FBXO42: variants seen among roughly 807,000 people sequenced by gnomAD.
The protein encoded by FBXO42 is F-box only protein 42.
Under a neutral mutation model 71.7 loss-of-function variants are expected in FBXO42, and 12 were observed. That is an observed-to-expected ratio of 0.17 (90% CI 0.11 to 0.27). FBXO42 has a LOEUF of 0.27. FBXO42 is among the 10% of genes least tolerant of loss of function. The probability of loss-of-function intolerance (pLI) is 1.00; values close to 1 mark genes in which losing one functional copy is unlikely to be tolerated. For missense variants in FBXO42, 707 were observed against 911.9 expected, an observed-to-expected ratio of 0.78 and a Z score of 2.89; for synonymous variants, 325 against 327.5, an observed-to-expected ratio of 0.99 and a Z score of 0.08.
At chr1:16,313,354 AAGAAAGAAAGAAAGAAAGAG>A (rs2082334392) in intron 2 of FBXO42, among the ~76,000 whole-genome samples, 1 of 151,702 alleles carries the variant, frequency 6.6e-6, no homozygotes, top group African/African-American at 2.4e-5. Flanking sequence ...GAAAGAAAGA[AAGAAAGAAAGAAAGAAAGAG>A]AAAAGAAAGA....
chr1:16,286,916 C>T (rs2082027592), intron 4 of FBXO42, among the ~76,000 whole-genome samples: 2 of 152,190 alleles, frequency 1.3e-5, no homozygotes, highest in South Asian at 4.1e-4. Flanking sequence ...ATCAAATCCA[C>T]CCAGTTCTTA....
At chr1:16,319,725 A>T (rs2100586033) in intron 1 of FBXO42, among the ~76,000 whole-genome samples, 1 of 152,122 alleles carries the variant, frequency 6.6e-6, no homozygotes, top group South Asian at 2.1e-4. Context: ...AGCCTGGCCA[A>T]TATGGTGAAA....
chr1:16,331,369 C>T lies in FBXO42; in HGVS notation c.-17-15934G>A, dbSNP rs1045110599. 2.6e-5 allele frequency among the ~76,000 whole-genome samples: 4 copies of T among 151,598 alleles called. No homozygotes were observed. In the East Asian group the frequency reaches 7.7e-4, roughly 29 times the overall value. ...GGCAGAGCTTGCAGTGAGCCGAGAT[C>T]GTGCCACTGCACTCCAGCCTGGGCG... On this transcript the variant is annotated intron_variant, in intron 1 of 9. Coordinates refer to ENST00000375592, the MANE Select transcript of FBXO42 (RefSeq NM_018994.3).
At chr1:16,309,838 G>A (rs899168494) in intron 2 of FBXO42, among the ~76,000 whole-genome samples, 3 of 151,888 alleles carry the variant, frequency 2.0e-5, no homozygotes, top group African/African-American at 7.3e-5. Flanking sequence ...GAAGTCAGGA[G>A]TTTGAGACCA....
At chr1:16,326,248 G>A (rs2082450399) in intron 1 of FBXO42, among the ~76,000 whole-genome samples, 1 of 151,094 alleles carries the variant, frequency 6.6e-6, no homozygotes, top group Non-Finnish European at 1.5e-5. Flanking sequence ...CAAAGACGGG[G>A]TTTCTCCATG....
chr1:16,318,213 G>A (rs916256170), intron 1 of FBXO42, among the ~76,000 whole-genome samples: 1 of 152,150 alleles, frequency 6.6e-6, no homozygotes, highest in African/African-American at 2.4e-5. Flanking sequence ...GAGGTCAAGA[G>A]TTCGAGACCA....
chr1:16,335,642 G>A (rs1036366758), intron 1 of FBXO42, among the ~76,000 whole-genome samples: 2 of 152,072 alleles, frequency 1.3e-5, no homozygotes, highest in Admixed American at 1.3e-4. Context: ...GAGGCGGGTG[G>A]ATCACCAGAG....
intron 3 of FBXO42, among the ~76,000 whole-genome samples, chr1:16,299,779 G>C (rs190226681): frequency 6.6e-6 from 1 of 152,140 alleles, no homozygotes; most frequent in East Asian, 1.9e-4. Context: ...CGAGTAGTTT[G>C]GACCACAGGC....
chr1:16,346,359 G>T (rs180973149), intron 1 of FBXO42, among the ~76,000 whole-genome samples: 3 of 152,222 alleles, frequency 2.0e-5, no homozygotes, highest in Admixed American at 1.3e-4. Context: ...TGCCTTTATA[G>T]AAATTAAATG....
At chr1:16,335,704 AAAAAT>A (rs1007549640) in intron 1 of FBXO42, among the ~76,000 whole-genome samples, 3 of 151,620 alleles carry the variant, frequency 2.0e-5, no homozygotes, top group African/African-American at 7.3e-5. Context: ...CATCTCTACT[AAAAAT>A]ACAAAACATT....
chr1:16,350,757 A>AGAAAGAAAAGAAAG (rs1553156684), intron 1 of FBXO42, among the ~76,000 whole-genome samples: 1 of 44,248 alleles, frequency 2.3e-5, no homozygotes, highest in Non-Finnish European at 4.1e-5. Flanking sequence ...AAAAAAAAAA[A>AGAAAGAAAAGAAAG]AAAGAAAGAA....
At position 16,311,503 on chromosome 1, in the gene FBXO42, A is replaced by AATATAT. The variant is rs1553153697; in HGVS notation, c.250+3660_250+3665dup. ...ATCTTGTCTCAAAAAAAAAAAAAAAAATATATATATATATATATATATATA... is the reference window on the plus strand; with the variant it reads ...ATCTTGTCTCAAAAAAAAAAAAAAAAATATATATATATATATATATATATATATATA... On this transcript the variant is annotated intron_variant, in intron 2 of 9. Transcript: ENST00000375592. Among the ~76,000 whole-genome samples, 358 of 65,498 alleles carry AATATAT rather than the reference A, an allele frequency of 5.5e-3. 2 individuals carry two copies. The highest frequency in any genetic ancestry group is 9.1e-3 in the Middle Eastern group (1 of 110). 43.0% of individuals were successfully genotyped at this position (65,498 alleles called of 152,430 possible). A position where few individuals can be genotyped will look rare whatever the true frequency, so the allele number is the denominator to read the frequency against.
intron 4 of FBXO42, among the ~76,000 whole-genome samples, chr1:16,272,149 C>T (rs563179896): frequency 1.2e-3 from 153 of 123,326 alleles, no homozygotes; most frequent in Middle Eastern, 4.5e-3. Flanking sequence ...AGCAAGACTC[C>T]GTCCCAAAAA....
chr1:16,253,803 C>T, intron 6 of FBXO42, 72 bp from the exon 7 acceptor site: 1 of 1,386,462 alleles, frequency 7.2e-7, no homozygotes. Context: ...TGGGGAGTTC[C>T]ACATGCCTGT....
Position 16,252,063 on chromosome 1 carries a change from C to T in FBXO42, c.1038+225G>A, listed in dbSNP as rs942097032. On this transcript the variant is annotated intron_variant, in intron 9 of 9. Transcript: ENST00000375592. This position sits in a 1 kb window ranked among gnomAD's most constrained non-coding sequence, Gnocchi z 4.4. The stretch of plus-strand genomic sequence containing the variant: ...GTTAGAAGGAGAAGGGAAAGTTTCA[C>T]AGACAAACAGATGCTTAAAGTTGGG... Among the ~76,000 whole-genome samples, 5 of 152,190 alleles carry T rather than the reference C, an allele frequency of 3.3e-5. No individual in the cohort carries two copies. The highest frequency in any genetic ancestry group is 1.2e-4 in the African/African-American group (5 of 41,434).
At chr1:16,311,500 A>AT (rs1557597015) in intron 2 of FBXO42, among the ~76,000 whole-genome samples, 694 of 67,306 alleles carry the variant, frequency 0.01, 2 homozygotes, top group South Asian at 0.034. Flanking sequence ...AAAAAAAAAA[A>AT]AAAATATATA....
intron 1 of FBXO42, among the ~76,000 whole-genome samples, chr1:16,326,562 T>C (rs2082454417): frequency 6.6e-6 from 1 of 151,048 alleles, no homozygotes; most frequent in Non-Finnish European, 1.5e-5. Context: ...TGCACACTTG[T>C]AGTCTCAGCT....
chr1:16,306,900 G>T, intron 2 of FBXO42, among the ~76,000 whole-genome samples: 1 of 151,686 alleles, frequency 6.6e-6, no homozygotes, highest in East Asian at 1.9e-4. Flanking sequence ...AGGAAAGTTT[G>T]TTTTCTTTTT....
At chr1:16,337,896 A>AAAAAAAAAAAAAAAAAAAG in intron 1 of FBXO42, among the ~76,000 whole-genome samples, 1 of 134,976 alleles carries the variant, frequency 7.4e-6, no homozygotes, top group East Asian at 2.2e-4. Context: ...AAAAAAAAAA[A>AAAAAAAAAAAAAAAAAAAG]AAAAAAAAAA....
Sources: gnomAD v4.1 joint callset for allele counts (sites outside exome capture counted in the v4.1 genomes callset) on GRCh38, gnomAD v4.1.1 for gene constraint, Gnocchi (gnomAD v3.1) non-coding constraint, MANE v1.5 for transcripts, NCBI Gene and HGNC (gene_info 2026-07-23, HGNC 2026-07-21) for gene names.